TNRC6B: variants seen among roughly 807,000 people sequenced by gnomAD.
The protein encoded by TNRC6B is trinucleotide repeat containing adaptor 6B.
In TNRC6B, 52 loss-of-function variants were observed where a neutral mutation model predicts 203.6. The ratio of observed to expected loss-of-function variants is 0.26; its 90% CI spans 0.20 to 0.32. The LOEUF (loss-of-function observed/expected upper bound fraction) is 0.32. Among genes scored for constraint, TNRC6B ranks in the 10% least tolerant of loss-of-function variants. The pLI is 1.00. For missense variants in TNRC6B, 1,923 were observed against 2,286.2 expected (o/e 0.84, Z 3.24); for synonymous variants, 838 against 845.7 (o/e 0.99, Z 0.16).
At chr22:40,316,891 T>C (rs1259231209) in intron 21 of TNRC6B, among the ~76,000 whole-genome samples, 1 of 152,084 alleles carries the variant, frequency 6.6e-6, no homozygotes, top group Non-Finnish European at 1.5e-5. Flanking sequence ...AGAGAGTGGG[T>C]TTCTGCAGAT....
At chr22:40,086,867 G>A (rs1264843527) in intron 1 of TNRC6B, among the ~76,000 whole-genome samples, 1 of 152,212 alleles carries the variant, frequency 6.6e-6, no homozygotes, top group Non-Finnish European at 1.5e-5. Flanking sequence ...GAAGAGAGAT[G>A]CTAATAAGCT....
intron 1 of TNRC6B, among the ~76,000 whole-genome samples, chr22:40,216,388 T>C (rs1307363252): frequency 6.6e-6 from 1 of 152,208 alleles, no homozygotes; most frequent in Non-Finnish European, 1.5e-5. Context: ...GTTTCATGAG[T>C]GCAGGAACTA....
chr22:40,290,550 C>T (rs1027021303), intron 12 of TNRC6B, among the ~76,000 whole-genome samples: 5 of 152,222 alleles, frequency 3.3e-5, no homozygotes, highest in Admixed American at 3.3e-4. Context: ...GAACATCCTT[C>T]CCAGATGGCA....
chr22:40,069,972 T>C (rs1569249788), intron 1 of TNRC6B, among the ~76,000 whole-genome samples: 1 of 152,198 alleles, frequency 6.6e-6, no homozygotes, highest in African/African-American at 2.4e-5. Context: ...AGAAAAAATT[T>C]TAACTAATTA....
chr22:40,088,700 C>T (rs2068123202), intron 1 of TNRC6B, among the ~76,000 whole-genome samples: 1 of 150,846 alleles, frequency 6.6e-6, no homozygotes, highest in Admixed American at 6.6e-5. Flanking sequence ...GGTGATCCAC[C>T]CACCTTGGCC....
At chr22:40,147,453 A>C (rs763531737) in intron 3 of TNRC6B, among the ~76,000 whole-genome samples, 1 of 152,190 alleles carries the variant, frequency 6.6e-6, no homozygotes, top group Admixed American at 6.5e-5. Flanking sequence ...AAAGAACAGA[A>C]ATTTATTTTC....
At chr22:40,272,224 C>T (rs1008872756) in intron 6 of TNRC6B, among the ~76,000 whole-genome samples, 1 of 152,186 alleles carries the variant, frequency 6.6e-6, no homozygotes, top group Non-Finnish European at 1.5e-5. Flanking sequence ...CATCCCAACC[C>T]TCCCCCTTGT....
At chr22:40,192,627 AG>A (rs1425235185) in intron 1 of TNRC6B, among the ~76,000 whole-genome samples, 1 of 151,116 alleles carries the variant, frequency 6.6e-6, no homozygotes, top group Non-Finnish European at 1.5e-5. Context: ...AAAAAAAAAA[AG>A]TAAAGACCAG....
intron 1 of TNRC6B, among the ~76,000 whole-genome samples, chr22:40,200,180 A>G (rs1474917295): frequency 1.3e-5 from 2 of 151,408 alleles, no homozygotes; most frequent in Non-Finnish European, 2.9e-5. Flanking sequence ...ACTTCCCCTC[A>G]ATGGTTCTGG....
chr22:40,299,400 C>T (rs2070992606), intron 12 of TNRC6B, among the ~76,000 whole-genome samples: 1 of 152,104 alleles, frequency 6.6e-6, no homozygotes, highest in African/African-American at 2.4e-5. Context: ...CCATCACACC[C>T]AGCTAATTTT....
chr22:40,088,377 C>G (rs2068118630), intron 1 of TNRC6B, among the ~76,000 whole-genome samples: 1 of 152,136 alleles, frequency 6.6e-6, no homozygotes, highest in Non-Finnish European at 1.5e-5. Context: ...ATATTTTGAT[C>G]TCAGTATCTG....
intron 11 of TNRC6B, among the ~76,000 whole-genome samples, chr22:40,284,307 A>C (rs2070756179): frequency 6.6e-6 from 1 of 152,150 alleles, no homozygotes; most frequent in Non-Finnish European, 1.5e-5. Flanking sequence ...GCAGTCCCTT[A>C]ATCTATTTTT....
At chr22:40,175,897 G>C (rs972330442), upstream of TNRC6B, among the ~76,000 whole-genome samples, 1 of 152,210 alleles carries the variant, frequency 6.6e-6, no homozygotes. Flanking sequence ...AAGAGCAAAG[G>C]CGGGAGACTG....
chr22:40,112,535 C>T (rs1601821463), intron 1 of TNRC6B, among the ~76,000 whole-genome samples: 1 of 152,268 alleles, frequency 6.6e-6, no homozygotes, highest in East Asian at 1.9e-4. Flanking sequence ...ACAGGATGCC[C>T]CTGGCCCAGT....
At chr22:40,073,240 G>A (rs1458153968) in intron 1 of TNRC6B, among the ~76,000 whole-genome samples, 1 of 150,306 alleles carries the variant, frequency 6.7e-6, no homozygotes, top group Non-Finnish European at 1.5e-5. Context: ...CTGTTTCCTA[G>A]CTGAGAGTCT....
At chr22:40,223,323 T>G (rs948423825) in intron 1 of TNRC6B, among the ~76,000 whole-genome samples, 4 of 152,208 alleles carry the variant, frequency 2.6e-5, no homozygotes, top group Non-Finnish European at 4.4e-5. Flanking sequence ...GTATTTTTAG[T>G]GGAGACGGGG....
At chr22:40,215,192 A>G (rs1371780888) in intron 1 of TNRC6B, among the ~76,000 whole-genome samples, 1 of 152,184 alleles carries the variant, frequency 6.6e-6, no homozygotes, top group Non-Finnish European at 1.5e-5. Context: ...GTATCTTACA[A>G]TCACTGGTGT....
intron 1 of TNRC6B, among the ~76,000 whole-genome samples, chr22:40,063,498 C>A (rs2067871357): frequency 6.6e-6 from 1 of 152,176 alleles, no homozygotes; most frequent in South Asian, 2.1e-4. Context: ...ACTTACAGAT[C>A]AATTTGGCAA....
intron 1 of TNRC6B, among the ~76,000 whole-genome samples, chr22:40,218,038 A>AC (rs1322360347): frequency 2.0e-5 from 3 of 151,650 alleles, no homozygotes; most frequent in African/African-American, 7.3e-5. Context: ...TTTAAAGAGG[A>AC]CAAAACCTAT....
Sources: allele counts gnomAD v4.1 joint callset (sites outside exome capture counted in the v4.1 genomes callset), GRCh38; gene constraint gnomAD v4.1.1; transcripts MANE v1.5; gene names NCBI Gene and HGNC (gene_info 2026-07-23, HGNC 2026-07-21).